The following IKZF4 variants were observed in gnomAD, a reference collection of about 807,000 sequenced individuals.
The protein encoded by IKZF4 is IKAROS family zinc finger 4.
IKZF4 carries 11 observed loss-of-function variants against 47.7 expected under a neutral mutation model. That is an observed-to-expected ratio of 0.23 (90% CI 0.15 to 0.38). IKZF4 has a LOEUF of 0.38. Ranked by LOEUF, IKZF4 falls within the 10% of genes least tolerant of loss-of-function variation. IKZF4 has a pLI of 1.00. For synonymous variants in IKZF4, 298 were observed against 299.4 expected, an observed-to-expected ratio of 1.00 and a Z score of 0.05; for missense variants, 557 against 784.9, an observed-to-expected ratio of 0.71 and a Z score of 3.47.
chr12:56,009,323 C>T (rs948364289), intron 1 of IKZF4, among the ~76,000 whole-genome samples: 9 of 152,204 alleles, frequency 5.9e-5, no homozygotes, highest in Non-Finnish European at 1.2e-4. Context: ...TTAACGATAA[C>T]TCAGATTCTG....
In IKZF4 at chr12:56,032,706, A is replaced by G. The variant is rs1253683802; in HGVS notation, c.861A>G (p.Gln287=). Residue 287 remains glutamine, a synonymous_variant, in exon 6 of 8, where the codon CAA becomes CAG. Transcript: ENST00000547167. ...CTGAAGCCCAAGCTTTGGCTGGCCA[A>G]CCAGGTAGGGCTATTGATGTACTAC... ...LSTEAQALAG[Q]PGDEIRDLEM... 1 of 1,614,042 alleles carries G rather than the reference A, an allele frequency of 6.2e-7. No homozygotes were observed. Among genetic ancestry groups the G allele is most frequent in the East Asian group, 2.2e-5 (1 of 44,886 alleles).
At chr12:56,034,286 TC>T (rs2136720655) in intron 7 of IKZF4, among the ~76,000 whole-genome samples, 1 of 152,210 alleles carries the variant, frequency 6.6e-6, no homozygotes, top group South Asian at 2.1e-4. Flanking sequence ...AGTATGTGGT[TC>T]CCCCTATCCC....
In IKZF4 at chr12:56,033,262, T is replaced by A; in HGVS notation, c.938T>A (p.Ile313Asn). 2 of 1,614,018 alleles carry A rather than the reference T, an allele frequency of 1.2e-6. No homozygotes were observed. Among genetic ancestry groups the A allele is most frequent in the Non-Finnish European group, 1.7e-6 (2 of 1,179,894 alleles). The change falls in exon 7 of 8, where the codon ATC becomes AAC. Residue 313 changes from isoleucine to asparagine, a missense_variant. Around this residue, in one of 6 missense-constraint regions of IKZF4, gnomAD observed 280 missense variants for 314.0 expected, o/e 0.89. Transcript: ENST00000547167. ...TCATCCTCTGAGCGGCCAACTTTCA[T>A]CGATCGTCTGGCCAATAGCCTCACC... ...LHSSSERPTF[I>N]DRLANSLTKR...
rs1235165213 is a variant in IKZF4 at position 56,037,952 on chromosome 12, T to C, written c.*2621T>C. ...AAATCAATACCACCAACAAAATATT[T>C]CTAAGTAGACACTTTTCCAGACCTT... On this transcript the variant is annotated 3_prime_UTR_variant, in exon 8 of 8. Transcript: ENST00000547167. 6.6e-6 allele frequency: 1 copy of C among 151,896 alleles called. No individual in the cohort carries two copies. The highest frequency in any genetic ancestry group is 1.5e-5 in the Non-Finnish European group (1 of 67,980). 9.4% of individuals were successfully genotyped at this position (151,896 alleles called of 1,614,324 possible). A position where few individuals can be genotyped will look rare whatever the true frequency, so the allele number is the denominator to read the frequency against.
intron 2 of IKZF4, among the ~76,000 whole-genome samples, chr12:56,015,926 T>C (rs1375961985): frequency 1.3e-5 from 2 of 152,162 alleles, no homozygotes; most frequent in African/African-American, 4.8e-5. Context: ...TGGCTTGTTC[T>C]AGTGGTCCAG....
intron 2 of IKZF4, chr12:56,024,787 T>C: frequency 7.6e-7 from 1 of 1,309,076 alleles, no homozygotes; most frequent in Non-Finnish European, 9.8e-7. Context: ...CCCTGCTTCC[T>C]GTGGACGTCA....
At chr12:56,023,394 C>CT (rs1424142297) in intron 1 of IKZF4, among the ~76,000 whole-genome samples, 8 of 152,252 alleles carry the variant, frequency 5.3e-5, no homozygotes, top group African/African-American at 1.9e-4. Context: ...AAAACTGGCT[C>CT]TGAGTCTACA....
chr12:56,019,978 A>G (rs983275008), upstream of IKZF4, among the ~76,000 whole-genome samples: 2 of 152,270 alleles, frequency 1.3e-5, no homozygotes, highest in Admixed American at 6.5e-5. Context: ...AAGTCAAAGT[A>G]AGGCTACCAT....
chr12:56,025,255 C>A (rs563635899), intron 3 of IKZF4, 97 bp downstream of exon 3: 3 of 1,317,826 alleles, frequency 2.3e-6, no homozygotes, highest in Non-Finnish European at 3.0e-6. Context: ...CCCATCGTCA[C>A]CTCCTGCTGG....
rs1895796651 is a variant in IKZF4, at chr12:56,038,381, T to A, written c.*3050T>A. On this transcript the variant is annotated 3_prime_UTR_variant, in exon 8 of 8. Coordinates refer to ENST00000547167, the MANE Select transcript of IKZF4 (RefSeq NM_022465.4). ...GTAACGGAGATATACTACTGTAAGT[T>A]TTGTACTGTACTGGCTGAAAGTCTG... 6.6e-6 allele frequency: 1 copy of A among 152,644 alleles called. No homozygotes were observed. The highest frequency in any genetic ancestry group is 2.4e-5 in the African/African-American group (1 of 41,458). The allele number at this position is 152,644 out of a possible 1,614,324, so 9.5% of individuals were successfully genotyped here. A position where few individuals can be genotyped will look rare whatever the true frequency, so the allele number is the denominator to read the frequency against.
chr12:56,009,519 A>G (rs1891100260), intron 1 of IKZF4, among the ~76,000 whole-genome samples: 1 of 152,204 alleles, frequency 6.6e-6, no homozygotes, highest in African/African-American at 2.4e-5. Context: ...GAATCCAGAC[A>G]GACCCTTGGG....
At chr12:56,032,957 A>G (rs556709263) in intron 6 of IKZF4, among the ~76,000 whole-genome samples, 30 of 152,242 alleles carry the variant, frequency 2.0e-4, no homozygotes, top group African/African-American at 6.7e-4. Flanking sequence ...GCCTAATGGG[A>G]GAGAGAGAAC....
In IKZF4 at chr12:56,027,029, C is replaced by A; in HGVS notation, c.535C>A (p.Arg179Ser). Residue 179 changes from arginine to serine, a missense_variant, in exon 4 of 8, where the codon CGC becomes AGC. This residue lies in a region of IKZF4 where 27 missense variants were observed against 85.4 expected (regional missense o/e 0.32). Coordinates refer to ENST00000547167, the MANE Select transcript of IKZF4 (RefSeq NM_022465.4). ...ACCCAACGTGCTCATGGTGCACAAGCGCAGTCACACTGGTAAGTAAGCCAG... is the reference window on the plus strand; with the variant it reads ...ACCCAACGTGCTCATGGTGCACAAGAGCAGTCACACTGGTAAGTAAGCCAG... ...IGPNVLMVHK[R>S]SHTGERPFHC... The A allele has an allele frequency of 1.3e-6, 2 of 1,527,596 alleles. No individual in the cohort carries two copies. The highest frequency in any genetic ancestry group is 1.3e-5 in the South Asian group (1 of 78,680). 94.6% of individuals were successfully genotyped at this position (1,527,596 alleles called of 1,614,324 possible). A position where few individuals can be genotyped will look rare whatever the true frequency, so the allele number is the denominator to read the frequency against.
At chr12:56,013,677 G>A (rs1246859051) in intron 2 of IKZF4, among the ~76,000 whole-genome samples, 2 of 152,160 alleles carry the variant, frequency 1.3e-5, no homozygotes, top group Non-Finnish European at 1.5e-5. Flanking sequence ...TTAGGCAGGG[G>A]AGGAGGTGCT....
At position 56,035,211 on chromosome 12, in the gene IKZF4, T is replaced by G. The variant is rs531293234; in HGVS notation, c.1638T>G (p.Thr546=). The change falls in exon 8 of 8, where the codon ACT becomes ACG. Residue 546 remains threonine (T), a synonymous_variant. Transcript: ENST00000547167. The surrounding 1 kb of genome is among the most constrained non-coding windows in gnomAD (Gnocchi z 6.1). ...RILFLDHVMF[T]IHMGCHGFRD... ...TCTTCCTGGACCACGTCATGTTCAC[T>G]ATCCACATGGGCTGCCATGGCTTCA... The G allele has an allele frequency of 6.2e-7, 1 of 1,614,216 alleles. No individual in the cohort carries two copies. The highest frequency in any genetic ancestry group is 8.5e-7 in the Non-Finnish European group (1 of 1,180,030).
chr12:56,027,176 T>A, intron 4 of IKZF4, 135 bp downstream of exon 4: 1 of 604,402 alleles, frequency 1.7e-6, no homozygotes, highest in African/African-American at 2.1e-5. Flanking sequence ...GGGAAGGGTC[T>A]CACCCAGCAC....
rs1237414233 is a variant in IKZF4, at chr12:56,038,429, T to A, written c.*3098T>A. 6.5e-6 allele frequency: 1 copy of A among 152,676 alleles called. No homozygotes were observed. Among genetic ancestry groups the A allele is most frequent in the African/African-American group, 2.4e-5 (1 of 41,474 alleles). 9.5% of individuals were successfully genotyped at this position (152,676 alleles called of 1,614,324 possible). On this transcript the variant is annotated 3_prime_UTR_variant, in exon 8 of 8. Transcript: ENST00000547167. ...CTGTTATAAATAAACATGAGTAATT[T>A]AACACCTCTGGTTGTTTTTGCAGAC...
intron 4 of IKZF4, among the ~76,000 whole-genome samples, 149 bp from the exon 5 acceptor site, chr12:56,027,628 TAAA>T (rs1894241703): frequency 6.6e-6 from 1 of 152,192 alleles, no homozygotes; most frequent in Non-Finnish European, 1.5e-5. Context: ...GGGATCTTCA[TAAA>T]TCAGGGTTTG....
chr12:56,024,768 C>T, intron 2 of IKZF4: 1 of 1,278,094 alleles, frequency 7.8e-7, no homozygotes, highest in Non-Finnish European at 1.0e-6. Flanking sequence ...CTGGCGCACC[C>T]AGCCTCAGCC....
Sources: allele counts gnomAD v4.1 joint callset (sites outside exome capture counted in the v4.1 genomes callset), GRCh38; gene constraint gnomAD v4.1.1; regional missense constraint gnomAD v4.1.1; non-coding constraint Gnocchi (gnomAD v3.1); transcripts MANE v1.5; gene names NCBI Gene and HGNC (gene_info 2026-07-23, HGNC 2026-07-21).